Variants in SNX14 observed in about 807,000 individuals in gnomAD.
SNX14 encodes sorting nexin 14.
Under a neutral mutation model 133.8 loss-of-function variants are expected in SNX14, and 93 were observed. That is an observed-to-expected ratio of 0.70 (90% confidence interval 0.59 to 0.83). The LOEUF (loss-of-function observed/expected upper bound fraction) is 0.83, where lower values mean the gene tolerates loss of function less well. SNX14 is among the 40% of genes least tolerant of loss of function. The pLI, the probability that SNX14 is intolerant of heterozygous loss-of-function variation, is 0.00. For synonymous variants in SNX14, 368 were observed against 365.6 expected, an observed-to-expected ratio of 1.01 and a Z score of -0.07; for missense variants, 945 against 1,094.9, an observed-to-expected ratio of 0.86 and a Z score of 1.93.
chr6:85,509,797 A>T (rs895037518), intron 26 of SNX14, among the ~76,000 whole-genome samples: 2 of 152,118 alleles, frequency 1.3e-5, no homozygotes, highest in African/African-American at 2.4e-5. Flanking sequence ...TGCCCCAAAA[A>T]ATCCTCTCTG....
chr6:85,581,144 A>T (rs999047419), intron 1 of SNX14: 3 of 152,308 alleles, frequency 2.0e-5, no homozygotes, highest in African/African-American at 7.2e-5. Context: ...CAGCACAGAG[A>T]GAGACTCCAT....
chr6:85,516,700 C>T (rs899921856), intron 23 of SNX14, among the ~76,000 whole-genome samples: 6 of 145,532 alleles, frequency 4.1e-5, no homozygotes, highest in East Asian at 2.0e-4. Flanking sequence ...TGCAGTGGCG[C>T]GATCTCAGCT....
chr6:85,542,094 T>A, intron 14 of SNX14, 51 bp from the exon 15 acceptor site: 1 of 1,233,224 alleles, frequency 8.1e-7, no homozygotes, highest in Non-Finnish European at 1.1e-6. Context: ...CAATTAACAT[T>A]AAAACATGTT....
intron 23 of SNX14, among the ~76,000 whole-genome samples, chr6:85,515,405 G>T (rs573300836): frequency 6.6e-6 from 1 of 150,984 alleles, no homozygotes. Context: ...GTTGGGGTGG[G>T]GGGGAACTAA....
chr6:85,565,519 C>T, intron 5 of SNX14, 100 bp from the exon 6 acceptor site: 1 of 740,596 alleles, frequency 1.4e-6, no homozygotes, highest in Admixed American at 3.3e-5. Flanking sequence ...TTTACTTAAG[C>T]TACTTTCTTT....
At chr6:85,585,039 GA>G (rs1800243986) in intron 1 of SNX14, among the ~76,000 whole-genome samples, 1 of 151,834 alleles carries the variant, frequency 6.6e-6, no homozygotes, top group Non-Finnish European at 1.5e-5. Flanking sequence ...CTATCACCAT[GA>G]AATACTAGGC....
intron 21 of SNX14, among the ~76,000 whole-genome samples, chr6:85,523,759 T>C (rs1777644397): frequency 6.7e-6 from 1 of 148,458 alleles, no homozygotes; most frequent in Admixed American, 6.7e-5. Flanking sequence ...AGAGACTCCA[T>C]CTCCAAAAAA....
chr6:85,570,908 C>G (rs995225824), intron 4 of SNX14, among the ~76,000 whole-genome samples: 10 of 152,014 alleles, frequency 6.6e-5, no homozygotes, highest in Admixed American at 3.9e-4. Context: ...ACTAAGTCTT[C>G]TTACAAAATC....
At chr6:85,587,908 C>G (rs36088473) in intron 1 of SNX14, among the ~76,000 whole-genome samples, 12,535 of 152,208 alleles carry the variant, frequency 0.082, 843 homozygotes, top group East Asian at 0.22. Context: ...AATGGTTTTA[C>G]CAAACTTTCA....
At chr6:85,574,176 T>C (rs1472893710) in intron 2 of SNX14, 82 bp downstream of exon 2, 2 of 1,122,670 alleles carry the variant, frequency 1.8e-6, no homozygotes, top group Non-Finnish European at 2.4e-6. Flanking sequence ...TAAAAAAATA[T>C]ACTGCTTTAG....
chr6:85,592,723 C>G (rs572029229), intron 1 of SNX14, among the ~76,000 whole-genome samples: 24 of 151,932 alleles, frequency 1.6e-4, no homozygotes, highest in African/African-American at 5.3e-4. Flanking sequence ...GGTGCGGTGG[C>G]TCACGCCTGT....
chr6:85,513,935 C>G, intron 25 of SNX14, 40 bp from the exon 26 acceptor site: 1 of 1,575,640 alleles, frequency 6.3e-7, no homozygotes, highest in East Asian at 2.2e-5. Flanking sequence ...GAATTTTCAT[C>G]TATTTATACA....
intron 4 of SNX14, 197 bp from the exon 5 acceptor site, chr6:85,567,774 C>T (rs1794340790): frequency 8.6e-6 from 3 of 350,834 alleles, no homozygotes; most frequent in South Asian, 3.4e-5. Context: ...CTTTAGCTCA[C>T]GAGTTTGAGA....
chr6:85,554,033 T>C (rs1291375360), intron 7 of SNX14, among the ~76,000 whole-genome samples: 1 of 152,022 alleles, frequency 6.6e-6, no homozygotes, highest in Non-Finnish European at 1.5e-5. Context: ...TAACGGGGAA[T>C]ATAAGCAAAA....
chr6:85,576,741 A>G (rs1323216382), intron 1 of SNX14, among the ~76,000 whole-genome samples: 1 of 152,088 alleles, frequency 6.6e-6, no homozygotes, highest in Admixed American at 6.6e-5. Context: ...GCCCAGCTAC[A>G]CTCCAGTTAT....
At chr6:85,533,235 C>T (rs1231157089) in intron 18 of SNX14, among the ~76,000 whole-genome samples, 5 of 152,248 alleles carry the variant, frequency 3.3e-5, no homozygotes, top group African/African-American at 1.2e-4. Flanking sequence ...AGAGAAAACG[C>T]TGTCTTAATT....
chr6:85,532,816 T>C (rs1292306683), intron 18 of SNX14, among the ~76,000 whole-genome samples: 1 of 152,226 alleles, frequency 6.6e-6, no homozygotes, highest in African/African-American at 2.4e-5. Flanking sequence ...TTACAGTCTA[T>C]ACCTGACATA....
At chr6:85,514,299 A>G (rs954606365) in intron 24 of SNX14, 65 bp from the exon 25 acceptor site, 13 of 1,545,946 alleles carry the variant, frequency 8.4e-6, no homozygotes, top group South Asian at 1.3e-5. Flanking sequence ...AAATTTGCCA[A>G]TGTAGAAAAC....
intron 1 of SNX14, among the ~76,000 whole-genome samples, chr6:85,584,216 AC>A (rs1409440507): frequency 6.6e-6 from 1 of 152,058 alleles, no homozygotes; most frequent in East Asian, 1.9e-4. Context: ...CTGAAACTGG[AC>A]CCCCTCCTTA....
Sources: gnomAD v4.1 joint callset for allele counts (sites outside exome capture counted in the v4.1 genomes callset) on GRCh38, gnomAD v4.1.1 for gene constraint, MANE v1.5 for transcripts, NCBI Gene and HGNC (gene_info 2026-07-23, HGNC 2026-07-21) for gene names.